The following ACOXL variants were observed in gnomAD, a reference collection of about 807,000 sequenced individuals.
ACOXL encodes the protein acyl-CoA oxidase like.
Under a neutral mutation model 71.9 loss-of-function variants are expected in ACOXL, and 70 were observed. The observed-to-expected ratio is 0.97, with a 90% confidence interval of 0.80 to 1.19. ACOXL has a LOEUF of 1.19. Ranked by LOEUF, ACOXL falls within the 50% of genes most tolerant of loss-of-function variation. ACOXL has a pLI of 0.00. For missense variants in ACOXL, 703 were observed against 736.3 expected, an observed-to-expected ratio of 0.95 and a Z score of 0.52; for synonymous variants, 253 against 281.6, an observed-to-expected ratio of 0.90 and a Z score of 1.02.
At chr2:110,800,420 A>G (rs1343805007) in intron 7 of ACOXL, among the ~76,000 whole-genome samples, 2 of 152,314 alleles carry the variant, frequency 1.3e-5, no homozygotes, top group Admixed American at 6.5e-5. Flanking sequence ...GCCTACCCCA[A>G]TGACCTCATT....
intron 16 of ACOXL, among the ~76,000 whole-genome samples, chr2:111,053,301 G>T (rs551330600): frequency 2.0e-5 from 3 of 152,304 alleles, no homozygotes; most frequent in Non-Finnish European, 4.4e-5. Context: ...TCACTCTGTG[G>T]ATGCATTTCT....
intron 17 of ACOXL, among the ~76,000 whole-genome samples, chr2:111,112,294 A>G (rs1390046023): frequency 6.6e-6 from 1 of 152,228 alleles, no homozygotes; most frequent in African/African-American, 2.4e-5. Context: ...AGACGCACCA[A>G]GCTAAGGTCT....
intron 1 of ACOXL, among the ~76,000 whole-genome samples, chr2:110,751,699 C>T (rs928172451): frequency 9.2e-5 from 14 of 152,162 alleles, no homozygotes; most frequent in African/African-American, 3.4e-4. Context: ...ATCATCGCCC[C>T]AAAAAGTTCT....
intron 14 of ACOXL, among the ~76,000 whole-genome samples, chr2:111,016,108 A>ATTTT (rs34690566): frequency 3.3e-5 from 5 of 149,760 alleles, no homozygotes; most frequent in African/African-American, 1.2e-4. Context: ...AATTTTTTTA[A>ATTTT]TTTTTTTTTT....
chr2:110,992,773 T>A (rs976197970), intron 13 of ACOXL, among the ~76,000 whole-genome samples: 3 of 152,210 alleles, frequency 2.0e-5, no homozygotes, highest in Non-Finnish European at 2.9e-5. Context: ...TCCTCCTGCA[T>A]GGTAGCCTGC....
chr2:110,967,959 T>G, intron 12 of ACOXL: 1 of 933,776 alleles, frequency 1.1e-6, no homozygotes, highest in Non-Finnish European at 1.7e-6. Context: ...AGGATAAAAA[T>G]AAATACAACA....
chr2:110,859,274 G>T (rs1348586557), intron 10 of ACOXL, among the ~76,000 whole-genome samples: 1 of 144,752 alleles, frequency 6.9e-6, no homozygotes, highest in Non-Finnish European at 1.5e-5. Flanking sequence ...TGTGGCAGTT[G>T]TGCTGCTTCT....
intron 10 of ACOXL, among the ~76,000 whole-genome samples, chr2:110,892,078 G>T (rs760627201): frequency 6.6e-6 from 1 of 152,106 alleles, no homozygotes; most frequent in Admixed American, 6.5e-5. Context: ...TTTGTCACAG[G>T]CATAATACAT....
chr2:110,942,816 G>A lies in ACOXL; in HGVS notation c.1059+9174G>A, dbSNP rs111522401. ...AAGAATTACTTGAACCCTAAGAGGT[G>A]GAGGTCGCAGTGAGCCAAGATCATG... is the stretch of plus-strand genomic sequence containing the variant. On this transcript the variant is annotated intron_variant, in intron 12 of 17. Transcript: ENST00000439055. Among the ~76,000 whole-genome samples the A allele has an allele frequency of 5.9e-5, 9 of 151,436 alleles. No homozygotes were observed. The East Asian group carries it at 7.7e-4, about 13-fold the overall frequency.
At chr2:111,043,012 G>T (rs191266215) in intron 15 of ACOXL, among the ~76,000 whole-genome samples, 1 of 152,190 alleles carries the variant, frequency 6.6e-6, no homozygotes, top group Non-Finnish European at 1.5e-5. Flanking sequence ...CCCAGTGTTC[G>T]GAGCAGAAAA....
At chr2:110,753,411 C>G (rs1440657671) in intron 1 of ACOXL, among the ~76,000 whole-genome samples, 1 of 152,206 alleles carries the variant, frequency 6.6e-6, no homozygotes, top group Non-Finnish European at 1.5e-5. Flanking sequence ...AATGAGACCT[C>G]AGTTCCTCTC....
chr2:111,102,142 TC>T (rs1222850212), intron 17 of ACOXL: 1 of 152,644 alleles, frequency 6.6e-6, no homozygotes, highest in Non-Finnish European at 1.5e-5. Flanking sequence ...AGAAAATCTC[TC>T]TTTTCCCTTC....
At chr2:110,748,005 G>A (rs1441058807) in intron 1 of ACOXL, among the ~76,000 whole-genome samples, 1 of 152,156 alleles carries the variant, frequency 6.6e-6, no homozygotes, top group African/African-American at 2.4e-5. Flanking sequence ...CTGACAGTAA[G>A]TACAGGTAGT....
intron 1 of ACOXL, among the ~76,000 whole-genome samples, chr2:110,754,259 G>A (rs2104833878): frequency 6.6e-6 from 1 of 151,960 alleles, no homozygotes; most frequent in Admixed American, 6.6e-5. Flanking sequence ...TTTTTGTAGA[G>A]AAGGGGCCTA....
At chr2:111,056,638 A>G (rs1037402542) in intron 16 of ACOXL, among the ~76,000 whole-genome samples, 17 of 151,948 alleles carry the variant, frequency 1.1e-4, no homozygotes, top group African/African-American at 4.1e-4. Flanking sequence ...AATACAAAAA[A>G]TTAGCCGGGT....
rs571303499 is a variant in ACOXL, at chr2:110,785,950, A to AT, written c.159+1142dup. Among the ~76,000 whole-genome samples, 160 of 152,200 alleles carry AT rather than the reference A, an allele frequency of 1.1e-3. 2 individuals are homozygous for AT. The highest frequency in any genetic ancestry group is 3.7e-3 in the African/African-American group (153 of 41,518). ...ATACTTGGAATTCTTAGACTTCTCC[A>AT]TTTTTTTGCAAATGGTTATAAAATG... On this transcript the variant is annotated intron_variant, in intron 3 of 17. Coordinates refer to ENST00000439055, the MANE Select transcript of ACOXL (RefSeq NM_001142807.4).
intron 10 of ACOXL, among the ~76,000 whole-genome samples, chr2:110,871,435 C>A (rs1410658808): frequency 6.6e-6 from 1 of 151,782 alleles, no homozygotes; most frequent in African/African-American, 2.4e-5. Context: ...GAAACAAATA[C>A]CCTGAAGCTT....
intron 9 of ACOXL, among the ~76,000 whole-genome samples, chr2:110,813,798 C>T (rs1229149153): frequency 1.3e-5 from 2 of 152,184 alleles, no homozygotes; most frequent in African/African-American, 2.4e-5. Flanking sequence ...TTGAGTCCTT[C>T]CTGATCAGGG....
chr2:110,979,069 G>A (rs1291767044), intron 12 of ACOXL, among the ~76,000 whole-genome samples: 1 of 151,612 alleles, frequency 6.6e-6, no homozygotes. Context: ...CAGGGGAGGT[G>A]AGAATGGGAT....
Sources: gnomAD v4.1 joint callset for allele counts (sites outside exome capture counted in the v4.1 genomes callset) on GRCh38, gnomAD v4.1.1 for gene constraint, MANE v1.5 for transcripts, NCBI Gene and HGNC (gene_info 2026-07-23, HGNC 2026-07-21) for gene names.